PTK2B: variants seen among roughly 807,000 people sequenced by gnomAD.
The protein encoded by PTK2B is protein-tyrosine kinase 2-beta.
A neutral mutation model predicts 142.9 loss-of-function variants in PTK2B; 71 were observed. The ratio of observed to expected loss-of-function variants is 0.50; its 90% CI spans 0.41 to 0.61. PTK2B has a LOEUF of 0.61. Among genes scored for constraint, PTK2B ranks in the 20% least tolerant of loss-of-function variants. The pLI, the probability that PTK2B is intolerant of heterozygous loss-of-function variation, is 0.00. For missense variants in PTK2B, 1,105 were observed against 1,320.4 expected, an observed-to-expected ratio of 0.84 and a Z score of 2.53; for synonymous variants, 519 against 503.4, an observed-to-expected ratio of 1.03 and a Z score of -0.42.
chr8:27,354,441 A>G (rs952882418), intron 1 of PTK2B, among the ~76,000 whole-genome samples: 1 of 152,132 alleles, frequency 6.6e-6, no homozygotes, highest in Non-Finnish European at 1.5e-5. Context: ...CAGTCTCACA[A>G]AGAAAGCCAG....
In PTK2B at chr8:27,437,750, T is replaced by A. The variant is rs749435578; in HGVS notation, c.1528-15T>A. The A allele has an allele frequency of 6.2e-7, 1 of 1,601,424 alleles. No individual in the cohort carries two copies. The highest frequency in any genetic ancestry group is 1.1e-5 in the South Asian group (1 of 88,670). On this transcript the variant is annotated splice_polypyrimidine_tract_variant and intron_variant, in intron 17 of 30. Transcript: ENST00000346049. ...ACCAACCAGGGGTCTTGATGGCACC[T>A]CCCCATTCCTGCAGCTGGGCCACTA...
At chr8:27,362,914 A>C (rs1467487124) in intron 1 of PTK2B, among the ~76,000 whole-genome samples, 2 of 152,170 alleles carry the variant, frequency 1.3e-5, no homozygotes, top group Non-Finnish European at 2.9e-5. Flanking sequence ...GGTGGAAATG[A>C]GGTTCAGTAG....
chr8:27,382,462 C>T (rs1035464298), intron 1 of PTK2B, among the ~76,000 whole-genome samples: 1 of 152,086 alleles, frequency 6.6e-6, no homozygotes, highest in Admixed American at 6.6e-5. Flanking sequence ...TAGCTTGATA[C>T]AATCCCATTT....
intron 1 of PTK2B, among the ~76,000 whole-genome samples, chr8:27,397,002 A>G (rs1808090181): frequency 6.6e-6 from 1 of 152,122 alleles, no homozygotes; most frequent in Non-Finnish European, 1.5e-5. Flanking sequence ...GCAGCTGAGG[A>G]TGGGGGTGGA....
At chr8:27,451,635 A>T (rs1414574334) in intron 27 of PTK2B, 126 bp downstream of exon 27, 1 of 1,544,220 alleles carries the variant, frequency 6.5e-7, no homozygotes, top group Admixed American at 1.9e-5. Context: ...ATCGGCCATG[A>T]TTTAATTCAG....
chr8:27,433,768 C>T (rs1810593462), intron 11 of PTK2B, among the ~76,000 whole-genome samples: 1 of 152,224 alleles, frequency 6.6e-6, no homozygotes, highest in Non-Finnish European at 1.5e-5. Context: ...CACATAGAGG[C>T]AGCTTCTGGA....
At chr8:27,449,481 T>C (rs1435605598) in intron 24 of PTK2B, among the ~76,000 whole-genome samples, 1 of 152,226 alleles carries the variant, frequency 6.6e-6, no homozygotes, top group Non-Finnish European at 1.5e-5. Flanking sequence ...TAGGAATTAT[T>C]GCTTGCTAAA....
chr8:27,435,142 G>A (rs1810692867), intron 13 of PTK2B, among the ~76,000 whole-genome samples: 1 of 152,242 alleles, frequency 6.6e-6, no homozygotes, highest in Non-Finnish European at 1.5e-5. Context: ...TCTAGAGGCT[G>A]GAAGTCCAAG....
At chr8:27,315,633 T>C (rs956017932) in intron 3 of PTK2B, among the ~76,000 whole-genome samples, 2 of 144,986 alleles carry the variant, frequency 1.4e-5, no homozygotes, top group Non-Finnish European at 3.0e-5. Flanking sequence ...TTGTTGGGTC[T>C]TTTTTTTTTC....
At chr8:27,420,157 C>A in intron 3 of PTK2B, 84 bp downstream of exon 3, 2 of 1,488,634 alleles carry the variant, frequency 1.3e-6, no homozygotes, top group Non-Finnish European at 1.8e-6. Context: ...CCTTAGAGCA[C>A]TCCCCTGCCT....
intron 3 of PTK2B, among the ~76,000 whole-genome samples, chr8:27,316,394 G>C (rs1451477569): frequency 6.6e-6 from 1 of 152,004 alleles, no homozygotes. Context: ...CTATATGCTG[G>C]CTATAAGGAA....
intron 1 of PTK2B, among the ~76,000 whole-genome samples, chr8:27,385,110 G>A (rs1348151956): frequency 1.3e-5 from 2 of 152,092 alleles, no homozygotes; most frequent in African/African-American, 4.8e-5. Context: ...GCTCATCCTC[G>A]GAGACCTCAT....
intron 21 of PTK2B, among the ~76,000 whole-genome samples, chr8:27,442,161 A>G (rs954465199): frequency 4.6e-5 from 7 of 152,216 alleles, no homozygotes; most frequent in African/African-American, 1.2e-4. Flanking sequence ...TATTTTAAAA[A>G]TCTTTTGCTG....
At chr8:27,415,241 A>G (rs1809329789) in intron 2 of PTK2B, among the ~76,000 whole-genome samples, 2 of 152,182 alleles carry the variant, frequency 1.3e-5, no homozygotes, top group South Asian at 4.1e-4. Flanking sequence ...GTACCCAAGC[A>G]TATCCAGCTG....
chr8:27,444,300 T>C (rs1422119308), intron 23 of PTK2B, 29 bp downstream of exon 23: 1 of 1,593,314 alleles, frequency 6.3e-7, no homozygotes, highest in Non-Finnish European at 8.6e-7. Flanking sequence ...GACGGGAACT[T>C]CAGGTCTACC....
chr8:27,334,093 A>G (rs549022056), intron 1 of PTK2B, among the ~76,000 whole-genome samples: 2 of 151,924 alleles, frequency 1.3e-5, no homozygotes, highest in African/African-American at 2.4e-5. Flanking sequence ...TATCTTGCCC[A>G]TCACTCAATC....
At chr8:27,435,636 A>T in intron 13 of PTK2B, 107 bp from the exon 14 acceptor site, 1 of 1,354,682 alleles carries the variant, frequency 7.4e-7, no homozygotes, top group Non-Finnish European at 1.1e-6. Flanking sequence ...TTCTCCTCCT[A>T]CCCCCTTGGG....
intron 2 of PTK2B, among the ~76,000 whole-genome samples, chr8:27,416,670 T>C (rs948430125): frequency 8.5e-5 from 13 of 152,184 alleles, no homozygotes. Flanking sequence ...CAATGCAGAA[T>C]GGGCACACTA....
chr8:27,370,705 C>G (rs1282003568), intron 1 of PTK2B, among the ~76,000 whole-genome samples: 1 of 152,206 alleles, frequency 6.6e-6, no homozygotes, highest in African/African-American at 2.4e-5. Flanking sequence ...ACCTTCTACC[C>G]AGGCCCAAGT....
Sources: gnomAD v4.1 joint callset for allele counts (sites outside exome capture counted in the v4.1 genomes callset) on GRCh38, gnomAD v4.1.1 for gene constraint, MANE v1.5 for transcripts, NCBI Gene and HGNC (gene_info 2026-07-23, HGNC 2026-07-21) for gene names.